The following CNEP1R1 variants were observed in gnomAD, a reference collection of about 807,000 sequenced individuals.
The protein encoded by CNEP1R1 is CTD nuclear envelope phosphatase 1 regulatory subunit 1.
Under a neutral mutation model 22.7 loss-of-function variants are expected in CNEP1R1, and 10 were observed. That is an observed-to-expected ratio of 0.44 (90% confidence interval 0.27 to 0.75). The LOEUF (loss-of-function observed/expected upper bound fraction) is 0.75, where lower values mean the gene tolerates loss of function less well. CNEP1R1 is among the 30% of genes least tolerant of loss of function. The pLI is 0.17. For missense variants in CNEP1R1, 73 were observed against 151.5 expected, an observed-to-expected ratio of 0.48 and a Z score of 2.72; for synonymous variants, 53 against 50.1, an observed-to-expected ratio of 1.06 and a Z score of -0.25.
chr16:50,025,245 C>A lies in CNEP1R1; in HGVS notation c.-71C>A. 7.3e-7 allele frequency: 1 copy of A among 1,366,446 alleles called. No individual in the cohort carries two copies. Among genetic ancestry groups the A allele is most frequent in the Non-Finnish European group, 9.4e-7 (1 of 1,059,932 alleles). The allele number at this position is 1,366,446 out of a possible 1,614,324, so 84.6% of individuals were successfully genotyped here. A position where few individuals can be genotyped will look rare whatever the true frequency, so the allele number is the denominator to read the frequency against. On this transcript the variant is annotated 5_prime_UTR_variant, in exon 1 of 6. Transcript: ENST00000427478. ...CGGTTAGAGGTGGGAGTTGGCGCTG[C>A]GGGCCGGGCGGGGGCCGCGGAAGCT... is the stretch of plus-strand genomic sequence containing the variant.
chr16:50,026,054 A>G (rs1291221800), intron 1 of CNEP1R1: 1 of 422,976 alleles, frequency 2.4e-6, no homozygotes, highest in African/African-American at 2.0e-5. Context: ...CTAAAACTCG[A>G]CCTGATTTTA....
chr16:50,025,776 A>G (rs1170313021), intron 1 of CNEP1R1: 1 of 1,298,008 alleles, frequency 7.7e-7, no homozygotes, highest in Non-Finnish European at 1.1e-6. Context: ...ACTCACTCGG[A>G]GCAGCTTAGA....
chr16:50,025,842 C>T, intron 1 of CNEP1R1: 1 of 675,472 alleles, frequency 1.5e-6, no homozygotes, highest in South Asian at 1.7e-5. Flanking sequence ...TCACCTGTAC[C>T]CCTTCGGAGG....
intron 5 of CNEP1R1, chr16:50,034,363 T>G: frequency 1.9e-6 from 1 of 533,796 alleles, no homozygotes; most frequent in Non-Finnish European, 3.4e-6. Flanking sequence ...TCTGACAAAT[T>G]GGGAGAGTTG....
At chr16:50,034,830 A>T (rs2036261879) in intron 5 of CNEP1R1, among the ~76,000 whole-genome samples, 1 of 152,122 alleles carries the variant, frequency 6.6e-6, no homozygotes, top group Non-Finnish European at 1.5e-5. Context: ...TGAGCCCAGG[A>T]ATTTGAGGCT....
At chr16:50,027,764 A>G (rs1161936293) in intron 2 of CNEP1R1, among the ~76,000 whole-genome samples, 2 of 152,238 alleles carry the variant, frequency 1.3e-5, no homozygotes, top group Non-Finnish European at 1.5e-5. Context: ...TTAACAAAGC[A>G]TAATTGTGCT....
At position 50,025,781 on chromosome 16, in the gene CNEP1R1, C is replaced by A. The variant is rs2036176939; in HGVS notation, c.25+441C>A. 7.1e-5 allele frequency: 86 copies of A among 1,212,032 alleles called. 1 individual carries two copies. In the South Asian group the frequency reaches 1.0e-3, roughly 14 times the overall value. The allele number at this position is 1,212,032 out of a possible 1,614,324, so 75.1% of individuals were successfully genotyped here. On this transcript the variant is annotated intron_variant, in intron 1 of 5. Coordinates refer to ENST00000427478, the MANE Select transcript of CNEP1R1 (RefSeq NM_001281789.2). ...ATACCCCACCACTCACTCGGAGCAG[C>A]TTAGACGCCCCTGTCTTCTAGAACT... is the stretch of plus-strand genomic sequence containing the variant.
At chr16:50,034,449 A>G in intron 5 of CNEP1R1, 1 of 378,844 alleles carries the variant, frequency 2.6e-6, no homozygotes, top group Non-Finnish European at 4.9e-6. Context: ...AGTGAAGTAC[A>G]GTGGTTGTTT....
chr16:50,032,448 C>T (rs1313554605), intron 3 of CNEP1R1, among the ~76,000 whole-genome samples: 1 of 152,174 alleles, frequency 6.6e-6, no homozygotes, highest in African/African-American at 2.4e-5. Context: ...TTATGGATAG[C>T]TACTAATCGT....
rs560388438 is a variant in CNEP1R1 at position 50,034,177 on chromosome 16, A to G, written c.336+21A>G. ...ATGATGTAAGTATTTTTTTGGTTAG[A>G]AAATTATAGACCTGCATGAAAACAC... On this transcript the variant is annotated intron_variant, in intron 5 of 5. Transcript: ENST00000427478. 6 of 1,528,610 alleles carry G rather than the reference A, an allele frequency of 3.9e-6. No homozygotes were observed. The African/African-American group carries it at 5.5e-5, about 14-fold the overall frequency. 94.7% of individuals were successfully genotyped at this position (1,528,610 alleles called of 1,614,324 possible). A position where few individuals can be genotyped will look rare whatever the true frequency, so the allele number is the denominator to read the frequency against.
chr16:50,034,966 T>A (rs567707285), intron 5 of CNEP1R1, among the ~76,000 whole-genome samples: 3 of 152,326 alleles, frequency 2.0e-5, no homozygotes, highest in Non-Finnish European at 4.4e-5. Flanking sequence ...GATAGGTAGC[T>A]TCTATTTTGA....
intron 3 of CNEP1R1, among the ~76,000 whole-genome samples, chr16:50,030,212 T>G (rs540844325): frequency 2.0e-4 from 31 of 152,252 alleles, no homozygotes; most frequent in African/African-American, 7.2e-4. Flanking sequence ...TCCCAACACT[T>G]TGGGAGGCCA....
intron 4 of CNEP1R1, 29 bp from the exon 5 acceptor site, chr16:50,034,073 G>A (rs1207814684): frequency 6.4e-7 from 1 of 1,564,882 alleles, no homozygotes; most frequent in Admixed American, 1.8e-5. Flanking sequence ...CTTGAAATGA[G>A]AAATTTTCCT....
intron 3 of CNEP1R1, among the ~76,000 whole-genome samples, chr16:50,030,729 A>G (rs1207986670): frequency 6.6e-6 from 1 of 152,240 alleles, no homozygotes; most frequent in African/African-American, 2.4e-5. Context: ...GTGAAGTCAC[A>G]GTTAATTCTG....
intron 1 of CNEP1R1, chr16:50,025,573 T>G: frequency 7.0e-7 from 1 of 1,422,526 alleles, no homozygotes. Context: ...CAGCTTCTAT[T>G]TTTATTTTCT....
chr16:50,027,237 C>T (rs1331374583), intron 2 of CNEP1R1, among the ~76,000 whole-genome samples: 3 of 151,958 alleles, frequency 2.0e-5, no homozygotes, highest in East Asian at 1.9e-4. Flanking sequence ...GACCCCATCG[C>T]GGTGGCTCAC....
chr16:50,035,388 G>T, intron 5 of CNEP1R1, 29 bp from the exon 6 acceptor site: 1 of 1,397,496 alleles, frequency 7.2e-7, no homozygotes, highest in East Asian at 2.4e-5. Flanking sequence ...ACTGTGTATT[G>T]AAAAAATTCT....
chr16:50,026,199 C>A, intron 1 of CNEP1R1, 197 bp from the exon 2 acceptor site: 1 of 472,552 alleles, frequency 2.1e-6, no homozygotes, highest in Non-Finnish European at 3.8e-6. Context: ...AATTAAAGAG[C>A]CCTAATTTTT....
At chr16:50,034,928 G>A (rs1024416156) in intron 5 of CNEP1R1, among the ~76,000 whole-genome samples, 9 of 152,276 alleles carry the variant, frequency 5.9e-5, no homozygotes, top group Non-Finnish European at 1.2e-4. Flanking sequence ...TCATGTACCA[G>A]TGTGTAATAA....
Sources: gnomAD v4.1 joint callset for allele counts (sites outside exome capture counted in the v4.1 genomes callset) on GRCh38, gnomAD v4.1.1 for gene constraint, MANE v1.5 for transcripts, NCBI Gene and HGNC (gene_info 2026-07-23, HGNC 2026-07-21) for gene names.